Variants in NUP210L observed in about 807,000 individuals in gnomAD.
NUP210L encodes the protein nucleoporin 210 like, also known as nuclear pore membrane glycoprotein 210-like.
Under a neutral mutation model 208.5 loss-of-function variants are expected in NUP210L, and 74 were observed. That is an observed-to-expected ratio of 0.35 (90% confidence interval 0.29 to 0.43). The LOEUF (loss-of-function observed/expected upper bound fraction) is 0.43, where lower values mean the gene tolerates loss of function less well. Ranked by LOEUF, NUP210L falls within the 20% of genes least tolerant of loss-of-function variation. The pLI is 1.00. For synonymous variants in NUP210L, 780 were observed against 816.9 expected (o/e 0.95, Z 0.77); for missense variants, 1,843 against 2,289.4 (o/e 0.81, Z 3.98).
Position 154,053,227 on chromosome 1 carries a change from T to C in NUP210L, c.3483+1001A>G, listed in dbSNP as rs141590349. Reference sequence around the variant, plus strand: ...GTGCTTGAAGGAGCTGCAGACAGATTAGCAGCTAGTAACCTGTTAACATGG... The same window carrying C: ...GTGCTTGAAGGAGCTGCAGACAGATCAGCAGCTAGTAACCTGTTAACATGG... On this transcript the variant is annotated intron_variant, in intron 25 of 39. Coordinates refer to ENST00000368559, the Ensembl canonical transcript of NUP210L. 2.8e-3 allele frequency among the ~76,000 whole-genome samples: 422 copies of C among 152,326 alleles called. 5 individuals are homozygous for C. Among genetic ancestry groups the C allele is most frequent in the African/African-American group, 9.6e-3 (398 of 41,584 alleles).
At chr1:154,085,747 C>T (rs1467445522) in intron 16 of NUP210L, among the ~76,000 whole-genome samples, 1 of 152,192 alleles carries the variant, frequency 6.6e-6, no homozygotes, top group Non-Finnish European at 1.5e-5. Context: ...GTGATCAAGA[C>T]AGTGTGGTAC....
At chr1:154,090,897 A>G (rs1655869912) in intron 15 of NUP210L, among the ~76,000 whole-genome samples, 1 of 151,782 alleles carries the variant, frequency 6.6e-6, no homozygotes, top group Admixed American at 6.6e-5. Flanking sequence ...TTGGTAGGAA[A>G]GTAAAATGGT....
At chr1:154,074,183 T>G (rs1412919458) in intron 16 of NUP210L, among the ~76,000 whole-genome samples, 1 of 152,154 alleles carries the variant, frequency 6.6e-6, no homozygotes, top group Non-Finnish European at 1.5e-5. Context: ...TTCCCCTCTG[T>G]GGGTGATAAT....
intron 16 of NUP210L, among the ~76,000 whole-genome samples, chr1:154,073,165 G>GA (rs1654845051): frequency 6.6e-6 from 1 of 152,118 alleles, no homozygotes; most frequent in African/African-American, 2.4e-5. Flanking sequence ...ACAAACATAT[G>GA]AAAAAATGCT....
intron 27 of NUP210L, among the ~76,000 whole-genome samples, chr1:154,035,434 G>A (rs1230528822): frequency 1.4e-5 from 2 of 146,214 alleles, no homozygotes; most frequent in Admixed American, 1.4e-4. Context: ...TTTCACTCTT[G>A]CTGCCCAGGC....
intron 33 of NUP210L, among the ~76,000 whole-genome samples, chr1:154,018,068 T>C (rs1291945672): frequency 6.6e-6 from 1 of 151,778 alleles, no homozygotes; most frequent in African/African-American, 2.4e-5. Flanking sequence ...ACCTCCCAGG[T>C]TCAAGAGATT....
At chr1:154,098,755 G>A (rs1403073119) in intron 14 of NUP210L, among the ~76,000 whole-genome samples, 6 of 152,156 alleles carry the variant, frequency 3.9e-5, no homozygotes, top group Non-Finnish European at 8.8e-5. Flanking sequence ...TGGTCTGCGG[G>A]ACTGGCAGCC....
At chr1:154,080,975 G>GAAAAAAAAAAAAAGA (rs1655288698) in intron 16 of NUP210L, among the ~76,000 whole-genome samples, 1 of 81,718 alleles carries the variant, frequency 1.2e-5, no homozygotes, top group Non-Finnish European at 2.4e-5. Flanking sequence ...CTGTGCTTCC[G>GAAAAAAAAAAAAAGA]AAAAAAAAAA....
chr1:154,099,518 A>G (rs1253173896), intron 14 of NUP210L, among the ~76,000 whole-genome samples: 1 of 152,198 alleles, frequency 6.6e-6, no homozygotes, highest in East Asian at 1.9e-4. Context: ...TTAGGGCTCA[A>G]TATAATGGCT....
At chr1:154,055,173 TTCTTTCTTTCTTTCTTTTTC>T (rs1653783870) in intron 23 of NUP210L, among the ~76,000 whole-genome samples, 1 of 124,184 alleles carries the variant, frequency 8.1e-6, no homozygotes, top group Non-Finnish European at 1.8e-5. Context: ...CTTTCTTTCT[TTCTTTCTTTCTTTCTTTTTC>T]TTTCTTTCTT....
intron 35 of NUP210L, among the ~76,000 whole-genome samples, chr1:154,004,851 TTTC>T (rs1464827314): frequency 1.5e-4 from 18 of 123,640 alleles, no homozygotes; most frequent in Admixed American, 4.1e-4. Flanking sequence ...TCTTTCTTTC[TTTC>T]TTTTTTTTTT....
At chr1:153,997,265 T>C (rs570154749) in intron 37 of NUP210L, among the ~76,000 whole-genome samples, 1,688 of 149,244 alleles carry the variant, frequency 0.011, 17 homozygotes, top group Middle Eastern at 0.034. Flanking sequence ...CGCTGGCCTT[T>C]TTTTTTTTTT....
chr1:153,994,482 T>C (rs530089451), intron 38 of NUP210L, among the ~76,000 whole-genome samples: 1 of 151,752 alleles, frequency 6.6e-6, no homozygotes, highest in African/African-American at 2.4e-5. Flanking sequence ...GACTAATTTT[T>C]GTTATTTTTA....
At chr1:154,080,999 A>AAAAAG (rs909133568) in intron 16 of NUP210L, among the ~76,000 whole-genome samples, 2 of 151,836 alleles carry the variant, frequency 1.3e-5, no homozygotes, top group Non-Finnish European at 2.9e-5. Flanking sequence ...GAAAAGAAAA[A>AAAAAG]AAAAGAAAAG....
intron 14 of NUP210L, among the ~76,000 whole-genome samples, chr1:154,095,510 T>C (rs1219386600): frequency 2.0e-5 from 3 of 152,232 alleles, no homozygotes; most frequent in African/African-American, 7.2e-5. Flanking sequence ...ATAAATCTAA[T>C]AATTTTTGTT....
intron 16 of NUP210L, among the ~76,000 whole-genome samples, chr1:154,087,754 C>A (rs1655698286): frequency 6.6e-6 from 1 of 152,020 alleles, no homozygotes; most frequent in South Asian, 2.1e-4. Flanking sequence ...TATTACTTAG[C>A]CATAAAAAAT....
At chr1:154,040,876 C>T (rs1181024225) in intron 27 of NUP210L, among the ~76,000 whole-genome samples, 2 of 152,170 alleles carry the variant, frequency 1.3e-5, no homozygotes, top group African/African-American at 4.8e-5. Flanking sequence ...CAGGCGTGAG[C>T]CACCGCGCCC....
chr1:154,133,649 G>A (rs182660796), intron 7 of NUP210L, among the ~76,000 whole-genome samples: 1 of 151,974 alleles, frequency 6.6e-6, no homozygotes, highest in African/African-American at 2.4e-5. Context: ...AGAGCAGTGT[G>A]GGCAACATGG....
At chr1:154,095,241 C>T in intron 14 of NUP210L, 85 bp from the exon 15 acceptor site, 1 of 978,400 alleles carries the variant, frequency 1.0e-6, no homozygotes, top group Non-Finnish European at 1.6e-6. Context: ...TCTGAATATG[C>T]TGCAAATGAC....
Sources: allele counts gnomAD v4.1 joint callset (sites outside exome capture counted in the v4.1 genomes callset), GRCh38; gene constraint gnomAD v4.1.1; transcripts MANE v1.5; gene names NCBI Gene and HGNC (gene_info 2026-07-23, HGNC 2026-07-21).